The following PFKM variants were observed in gnomAD, a reference collection of about 807,000 sequenced individuals.
PFKM encodes phosphofructokinase, muscle.
A neutral mutation model predicts 95.5 loss-of-function variants in PFKM; 58 were observed. The observed-to-expected ratio is 0.61, with a 90% confidence interval of 0.49 to 0.76. PFKM has a LOEUF of 0.76. Among genes scored for constraint, PFKM ranks in the 30% least tolerant of loss-of-function variants. The pLI is 0.00. For synonymous variants in PFKM, 336 were observed against 357.2 expected (o/e 0.94, Z 0.67); for missense variants, 678 against 1,005.4 (o/e 0.67, Z 4.40).
chr12:48,132,058 C>G (rs1375714464), intron 4 of PFKM: 3 of 455,986 alleles, frequency 6.6e-6, no homozygotes, highest in Non-Finnish European at 1.3e-5. Flanking sequence ...ATTTAATATG[C>G]AGTGTCTAGT....
chr12:48,141,713 C>T, intron 15 of PFKM, 27 bp from the exon 16 acceptor site: 2 of 1,524,058 alleles, frequency 1.3e-6, no homozygotes, highest in South Asian at 2.2e-5. Flanking sequence ...ATTCCCCTTC[C>T]CCTCCCCGCC....
At chr12:48,114,503 G>T (rs1483238610), upstream of PFKM, among the ~76,000 whole-genome samples, 1 of 152,144 alleles carries the variant, frequency 6.6e-6, no homozygotes, top group East Asian at 1.9e-4. Flanking sequence ...GGGGAGCAAA[G>T]GCTGAAGAAG....
At chr12:48,105,798 G>A (rs1465379828), upstream of PFKM, 2 of 588,462 alleles carry the variant, frequency 3.4e-6, no homozygotes, top group South Asian at 2.0e-5. Context: ...GAGACCAGAA[G>A]GAACGGCCTC....
intron 2 of PFKM, among the ~76,000 whole-genome samples, chr12:48,127,542 G>A (rs1378357015): frequency 2.6e-5 from 4 of 152,100 alleles, no homozygotes; most frequent in Admixed American, 2.0e-4. Flanking sequence ...CTGGATATAA[G>A]TCCTGTTGCT....
At position 48,130,275 on chromosome 12, in the gene PFKM, A is replaced by G; in HGVS notation, c.86-88A>G. 3 of 854,694 alleles carry G rather than the reference A, an allele frequency of 3.5e-6. No homozygotes were observed. In the South Asian group the frequency reaches 4.0e-5, roughly 11 times the overall value. The allele number at this position is 854,694 out of a possible 1,614,324, so 52.9% of individuals were successfully genotyped here. The stretch of plus-strand genomic sequence containing the variant: ...AGACTAAATAAAGTACTGATTCGTT[A>G]TCTTTAGCCAAATGTAATATCTCTG... On this transcript the variant is annotated intron_variant, in intron 2 of 22. Transcript: ENST00000359794.
intron 18 of PFKM, 137 bp from the exon 19 acceptor site, chr12:48,143,616 C>A: frequency 1.4e-6 from 1 of 726,926 alleles, no homozygotes; most frequent in Non-Finnish European, 2.5e-6. Flanking sequence ...AGGAATTAGG[C>A]ACAGTTCAGG....
At chr12:48,117,570 G>A (rs923697185), upstream of PFKM, among the ~76,000 whole-genome samples, 4 of 152,154 alleles carry the variant, frequency 2.6e-5, no homozygotes, top group African/African-American at 9.7e-5. Context: ...TTTGCAGTTC[G>A]CTAATGACAT....
At chr12:48,136,320 A>G (rs1294890193) in intron 10 of PFKM, among the ~76,000 whole-genome samples, 3 of 152,196 alleles carry the variant, frequency 2.0e-5, no homozygotes, top group African/African-American at 4.8e-5. Flanking sequence ...TCCACTCAGC[A>G]TAATTCTCTA....
intron 2 of PFKM, among the ~76,000 whole-genome samples, chr12:48,107,758 G>A (rs888436123): frequency 2.0e-5 from 3 of 152,148 alleles, no homozygotes; most frequent in Non-Finnish European, 2.9e-5. Context: ...ACTTCGACCA[G>A]TCTGGGCTCA....
Position 48,142,895 on chromosome 12 carries a change from G to A in PFKM, c.1767G>A (p.Gly589=), listed in dbSNP as rs1479230917. ...CTACCATGGCTGGACTGGCAGCTGGGGCCGATGCTGCCTACATTTTTGAGG... is the reference window on the plus strand; with the variant it reads ...CTACCATGGCTGGACTGGCAGCTGGAGCCGATGCTGCCTACATTTTTGAGG... ...YLATMAGLAA[G]ADAAYIFEEP... Residue 589 remains glycine (G), a synonymous_variant, in exon 18 of 23, where the codon GGG becomes GGA. Transcript: ENST00000359794. 1 of 1,614,120 alleles carries A rather than the reference G, an allele frequency of 6.2e-7. No individual in the cohort carries two copies. Among genetic ancestry groups the A allele is most frequent in the South Asian group, 1.1e-5 (1 of 91,064 alleles).
Position 48,134,815 on chromosome 12 carries a change from C to T in PFKM, c.733C>T (p.Arg245Cys), listed in dbSNP as rs1592742248. 1.2e-6 allele frequency: 2 copies of T among 1,613,546 alleles called. No homozygotes were observed. Residue 245 changes from arginine (R) to cysteine (C), a missense_variant, in exon 8 of 23, where the codon CGC becomes TGC. Physicochemically the swap from Arg to Cys is radical, Grantham distance 180. Coordinates refer to ENST00000359794, the MANE Select transcript of PFKM (RefSeq NM_000289.6). ...PDDDWEEHLC[R>C]RLSETRTRGS... Reference sequence around the variant, plus strand: ...TGACGACTGGGAGGAACACCTTTGTCGCCGACTCAGCGAGGTACTTGCACT... The same window carrying T: ...TGACGACTGGGAGGAACACCTTTGTTGCCGACTCAGCGAGGTACTTGCACT...
rs556232739 is a variant in PFKM at position 48,129,643 on chromosome 12, G to A, written c.86-720G>A. On this transcript the variant is annotated intron_variant, in intron 2 of 22. Transcript: ENST00000359794. ...ACCAACTCAAGTGACACAAAAAAGG[G>A]GGGTGTGTGTGTGTAGACTGAGAGA... 3.9e-5 allele frequency among the ~76,000 whole-genome samples: 6 copies of A among 152,286 alleles called. No homozygotes were observed. In the East Asian group the frequency reaches 7.7e-4, roughly 20 times the overall value.
chr12:48,135,200 C>A, intron 9 of PFKM, 91 bp from the exon 10 acceptor site: 1 of 1,229,800 alleles, frequency 8.1e-7, no homozygotes, highest in Non-Finnish European at 1.2e-6. Flanking sequence ...AGACAAGAGG[C>A]TGAGCTGTCC....
At chr12:48,113,897 G>A (rs1277340782) in intron 3 of PFKM, among the ~76,000 whole-genome samples, 1 of 152,162 alleles carries the variant, frequency 6.6e-6, no homozygotes, top group African/African-American at 2.4e-5. Flanking sequence ...TCTGGGTCTA[G>A]GGTGGTAAAG....
At chr12:48,136,664 C>T (rs983022054) in intron 10 of PFKM, among the ~76,000 whole-genome samples, 2 of 138,264 alleles carry the variant, frequency 1.4e-5, no homozygotes, top group Admixed American at 7.1e-5. Context: ...GTTTTGTTTG[C>T]ATCCTTACCA....
At chr12:48,136,345 G>A (rs1349765245) in intron 10 of PFKM, among the ~76,000 whole-genome samples, 1 of 152,144 alleles carries the variant, frequency 6.6e-6, no homozygotes, top group Non-Finnish European at 1.5e-5. Flanking sequence ...TTTATCAAAG[G>A]TGTTGTTTGT....
chr12:48,145,201 T>G lies in PFKM; in HGVS notation c.2093-9T>G, dbSNP rs1425536614. 4 of 1,613,868 alleles carry G rather than the reference T, an allele frequency of 2.5e-6. No homozygotes were observed. Among genetic ancestry groups the G allele is most frequent in the Non-Finnish European group, 2.5e-6 (3 of 1,179,752 alleles). On this transcript the variant is annotated splice_polypyrimidine_tract_variant and intron_variant, in intron 21 of 22. Coordinates refer to ENST00000359794, the MANE Select transcript of PFKM (RefSeq NM_000289.6). The surrounding 1 kb of genome is among the most constrained non-coding windows in gnomAD (Gnocchi z 4.3). ...AGTATAGAAGCTGACTGCCCATCCCTCATTGCAGGGCGGATCTTTGCCAAT... is the reference window on the plus strand; with the variant it reads ...AGTATAGAAGCTGACTGCCCATCCCGCATTGCAGGGCGGATCTTTGCCAAT...
chr12:48,144,863 C>G (rs1348291701), intron 20 of PFKM, among the ~76,000 whole-genome samples, 168 bp from the exon 21 acceptor site: 1 of 152,160 alleles, frequency 6.6e-6, no homozygotes, highest in African/African-American at 2.4e-5. Flanking sequence ...GCCAGCTTGC[C>G]TTGGATCCTG....
Position 48,141,684 on chromosome 12 carries a change from G to A in PFKM, c.1413-56G>A, listed in dbSNP as rs531755407. 2.3e-5 allele frequency: 30 copies of A among 1,316,358 alleles called. No homozygotes were observed. The African/African-American group carries it at 2.3e-4, about 10-fold the overall frequency. The allele number at this position is 1,316,358 out of a possible 1,614,324, so 81.5% of individuals were successfully genotyped here. ...AGCTTTTCTCCCCCTCAATTTTCCTGTCTCTTCCCCAAATTCCAATTCCCC... is the reference window on the plus strand; with the variant it reads ...AGCTTTTCTCCCCCTCAATTTTCCTATCTCTTCCCCAAATTCCAATTCCCC... On this transcript the variant is annotated intron_variant, in intron 15 of 22. Transcript: ENST00000359794.
Sources: gnomAD v4.1 joint callset for allele counts (sites outside exome capture counted in the v4.1 genomes callset) on GRCh38, gnomAD v4.1.1 for gene constraint, Gnocchi (gnomAD v3.1) non-coding constraint, MANE v1.5 for transcripts, NCBI Gene and HGNC (gene_info 2026-07-23, HGNC 2026-07-21) for gene names.